The following PTCHD4 variants were observed in gnomAD, a reference collection of about 807,000 sequenced individuals.
PTCHD4 encodes the protein patched domain containing 4.
PTCHD4 carries 33 observed loss-of-function variants against 58.1 expected under a neutral mutation model. The ratio of observed to expected loss-of-function variants is 0.57; its 90% confidence interval spans 0.43 to 0.76. The LOEUF is 0.76. Among genes scored for constraint, PTCHD4 ranks in the 30% least tolerant of loss-of-function variants. The pLI is 0.00. For synonymous variants in PTCHD4, 478 were observed against 409.6 expected (o/e 1.17, Z -2.02); for missense variants, 1,058 against 1,027.1 (o/e 1.03, Z -0.41).
At chr6:48,081,403 C>G (rs1399348844) in intron 1 of PTCHD4, among the ~76,000 whole-genome samples, 2 of 152,178 alleles carry the variant, frequency 1.3e-5, no homozygotes, top group Non-Finnish European at 2.9e-5. Flanking sequence ...TCAAATCTCT[C>G]AAATCCATCT....
intron 4 of PTCHD4, among the ~76,000 whole-genome samples, chr6:47,966,005 G>A (rs144182179): frequency 0.017 from 2,648 of 152,264 alleles, 40 homozygotes; most frequent in South Asian, 0.054. Context: ...TAAGTGCATT[G>A]AGGAATAAAA....
intron 3 of PTCHD4, among the ~76,000 whole-genome samples, chr6:48,017,167 T>C (rs1478748999): frequency 6.6e-6 from 1 of 152,222 alleles, no homozygotes; most frequent in Non-Finnish European, 1.5e-5. Context: ...TTTGTTTTAT[T>C]ACCAGGGTCA....
chr6:48,068,222 T>A lies in PTCHD4; in HGVS notation c.417+8A>T, dbSNP rs781625115. The A allele has an allele frequency of 2.6e-6, 4 of 1,552,622 alleles. No homozygotes were observed. The East Asian group carries it at 9.1e-5, about 35-fold the overall frequency. On this transcript the variant is annotated splice_region_variant and intron_variant, in intron 3 of 4. Transcript: ENST00000339488. The surrounding 1 kb of genome is among the most constrained non-coding windows in gnomAD (Gnocchi z 4.2). ...GGAAAAAGTATAATTATAGCCCTTG[T>A]GGTTCACCTTCATTTCCAGCACGGC... is the stretch of plus-strand genomic sequence containing the variant.
chr6:47,971,946 G>C (rs184965524), intron 4 of PTCHD4, among the ~76,000 whole-genome samples: 220 of 152,252 alleles, frequency 1.4e-3, no homozygotes, highest in African/African-American at 5.2e-3. Context: ...CTGAATTTGG[G>C]AAGAATTAGG....
At position 48,000,338 on chromosome 6, in the gene PTCHD4, C is replaced by T. The variant is rs73736817; in HGVS notation, c.898+8296G>A. 7.2e-3 allele frequency among the ~76,000 whole-genome samples: 1,104 copies of T among 152,306 alleles called. 10 individuals are homozygous for T. The highest frequency in any genetic ancestry group is 0.025 in the African/African-American group (1,059 of 41,584). On this transcript the variant is annotated intron_variant, in intron 4 of 4. Coordinates refer to ENST00000339488, the MANE Select transcript of PTCHD4 (RefSeq NM_001384253.1). ...CATTATAGTCACATCTTTGTATATA[C>T]TGTAAACCTCATTTTTTGTTTTCTG...
At chr6:47,951,747 G>A (rs1766661314) in intron 4 of PTCHD4, among the ~76,000 whole-genome samples, 1 of 151,554 alleles carries the variant, frequency 6.6e-6, no homozygotes, top group Non-Finnish European at 1.5e-5. Context: ...AAGAATAGAA[G>A]AGTATTAAGT....
At chr6:48,016,071 A>G (rs1762856544) in intron 3 of PTCHD4, among the ~76,000 whole-genome samples, 1 of 151,998 alleles carries the variant, frequency 6.6e-6, no homozygotes, top group East Asian at 1.9e-4. Flanking sequence ...TTATTCTAGT[A>G]TAATATTTCC....
intron 4 of PTCHD4, among the ~76,000 whole-genome samples, chr6:47,923,844 T>C (rs557034893): frequency 2.0e-5 from 3 of 152,304 alleles, no homozygotes; most frequent in African/African-American, 7.2e-5. Context: ...GAATGACGAA[T>C]GTCACCTCAG....
At chr6:48,066,100 T>C (rs332574) in intron 3 of PTCHD4, among the ~76,000 whole-genome samples, 19,198 of 135,040 alleles carry the variant, frequency 0.14, 1,219 homozygotes, top group South Asian at 0.2. Flanking sequence ...TGACATCTAC[T>C]TTTTTTTTTT....
intron 4 of PTCHD4, among the ~76,000 whole-genome samples, chr6:47,965,626 A>G (rs1477668525): frequency 6.6e-6 from 1 of 152,214 alleles, no homozygotes; most frequent in Non-Finnish European, 1.5e-5. Context: ...CTTAATAGGA[A>G]AATCAAGAAC....
intron 4 of PTCHD4, among the ~76,000 whole-genome samples, chr6:47,923,969 G>C (rs761648874): frequency 6.6e-6 from 1 of 152,060 alleles, no homozygotes; most frequent in East Asian, 1.9e-4. Flanking sequence ...CACAAAATAC[G>C]AATGGGGAAC....
chr6:48,000,944 A>G (rs1053280849), intron 4 of PTCHD4, among the ~76,000 whole-genome samples: 6 of 152,194 alleles, frequency 3.9e-5, no homozygotes, highest in Admixed American at 3.3e-4. Context: ...AATCACAAGC[A>G]TTCTTATACA....
chr6:47,871,362 C>T lies in PTCHD4; in HGVS notation c.*6941G>A, dbSNP rs912633617. On this transcript the variant is annotated 3_prime_UTR_variant, in exon 5 of 5. Transcript: ENST00000339488. ...AACAAACACCCGAACAGATTTTTTC[C>T]TCCAAGAAAAGTGATAAGTGAAATG... Among the ~76,000 whole-genome samples the T allele has an allele frequency of 6.6e-6, 1 of 151,526 alleles. No individual in the cohort carries two copies. The highest frequency in any genetic ancestry group is 6.6e-5 in the Admixed American group (1 of 15,176).
chr6:48,078,615 A>G (rs925568203), intron 1 of PTCHD4, among the ~76,000 whole-genome samples: 2 of 152,230 alleles, frequency 1.3e-5, no homozygotes, highest in African/African-American at 2.4e-5. Flanking sequence ...TAAGTTGGTC[A>G]GTTTTAATCT....
intron 4 of PTCHD4, among the ~76,000 whole-genome samples, chr6:47,893,418 AG>A (rs1384349542): frequency 2.6e-5 from 4 of 152,240 alleles, no homozygotes; most frequent in African/African-American, 9.6e-5. Flanking sequence ...CTGTGGAGTC[AG>A]GCATTTTGGT....
At chr6:48,057,689 C>G (rs1040519278) in intron 3 of PTCHD4, among the ~76,000 whole-genome samples, 1 of 152,102 alleles carries the variant, frequency 6.6e-6, no homozygotes, top group Non-Finnish European at 1.5e-5. Flanking sequence ...TGATAAGAAA[C>G]CAGGAAAGTT....
At chr6:48,032,512 CA>C (rs1446410144) in intron 3 of PTCHD4, among the ~76,000 whole-genome samples, 3 of 151,558 alleles carry the variant, frequency 2.0e-5, no homozygotes, top group African/African-American at 7.3e-5. Context: ...TATGACACAG[CA>C]ACACTTTAAA....
intron 4 of PTCHD4, among the ~76,000 whole-genome samples, chr6:47,972,045 AT>A (rs945613370): frequency 6.6e-6 from 1 of 152,230 alleles, no homozygotes; most frequent in African/African-American, 2.4e-5. Context: ...TTTGAAAAAA[AT>A]ATTTACATAG....
chr6:48,048,640 G>A (rs2114165496), intron 3 of PTCHD4, among the ~76,000 whole-genome samples: 1 of 151,934 alleles, frequency 6.6e-6, no homozygotes, highest in Admixed American at 6.6e-5. Context: ...GTATTACTGA[G>A]GATTTAGCAT....
Sources: gnomAD v4.1 joint callset for allele counts (sites outside exome capture counted in the v4.1 genomes callset) on GRCh38, gnomAD v4.1.1 for gene constraint, Gnocchi (gnomAD v3.1) non-coding constraint, MANE v1.5 for transcripts, NCBI Gene and HGNC (gene_info 2026-07-23, HGNC 2026-07-21) for gene names.